Variants in DISP1 observed in about 807,000 individuals in gnomAD.
DISP1 encodes the protein dispatched RND transporter family member 1, also known as protein dispatched homolog 1.
A neutral mutation model predicts 37.3 loss-of-function variants in DISP1; 30 were observed. The ratio of observed to expected loss-of-function variants is 0.80; its 90% CI spans 0.60 to 1.09. DISP1 has a LOEUF of 1.09. Among genes scored for constraint, DISP1 ranks in the 50% least tolerant of loss-of-function variants. DISP1 has a pLI of 0.00. For missense variants in DISP1, 1,598 were observed against 1,879.5 expected (o/e 0.85, Z 2.77); for synonymous variants, 634 against 690.2 (o/e 0.92, Z 1.28).
intron 1 of DISP1, among the ~76,000 whole-genome samples, chr1:222,907,244 T>G (rs1671950154): frequency 6.6e-6 from 1 of 152,210 alleles, no homozygotes; most frequent in Non-Finnish European, 1.5e-5. Context: ...CTTCCATTGT[T>G]AAACTCAGTT....
rs549797135 is a variant in DISP1, at chr1:223,005,373, G to C, written c.3976G>C (p.Val1326Leu). ...KATHQAVEGFVHPITHIHHCP... is the reference protein window; with the variant it reads ...KATHQAVEGFLHPITHIHHCP... Reference sequence around the variant, plus strand: ...CACACACCAAGCTGTCGAGGGCTTTGTGCACCCCATCACGCACATCCACCA... The same window carrying C: ...CACACACCAAGCTGTCGAGGGCTTTCTGCACCCCATCACGCACATCCACCA... The change falls in exon 9 of 9, where the codon GTG (valine) becomes CTG (leucine). Residue 1326 changes from valine (V) to leucine (L), a missense_variant. Coordinates refer to ENST00000675850, the MANE Select transcript of DISP1 (RefSeq NM_001377229.1). 6.2e-7 allele frequency: 1 copy of C among 1,613,508 alleles called. No homozygotes were observed. Among genetic ancestry groups the C allele is most frequent in the East Asian group, 2.2e-5 (1 of 44,864 alleles).
chr1:222,972,645 T>G (rs1489069951), intron 3 of DISP1, among the ~76,000 whole-genome samples: 1 of 152,178 alleles, frequency 6.6e-6, no homozygotes, highest in African/African-American at 2.4e-5. Context: ...ATCTGAAACC[T>G]ACTTATGTCA....
chr1:222,898,139 G>A (rs1671370767), intron 1 of DISP1, among the ~76,000 whole-genome samples: 1 of 152,016 alleles, frequency 6.6e-6, no homozygotes, highest in South Asian at 2.1e-4. Flanking sequence ...TTTATTATGT[G>A]GATTATAGCT....
chr1:222,829,629 T>TG (rs904748149), intron 1 of DISP1, among the ~76,000 whole-genome samples: 8 of 151,878 alleles, frequency 5.3e-5, no homozygotes, highest in East Asian at 1.9e-4. Context: ...TTAGTAGAGA[T>TG]GGGGGTCTCA....
intron 1 of DISP1, chr1:222,836,961 T>C: frequency 2.5e-6 from 1 of 398,036 alleles, no homozygotes; most frequent in Non-Finnish European, 4.4e-6. Context: ...CTGCCAAATA[T>C]ACTCCAGTAG....
At position 222,991,648 on chromosome 1, in the gene DISP1, G is replaced by T; in HGVS notation, c.791+1G>T. The T allele has an allele frequency of 6.2e-7, 1 of 1,611,746 alleles. No homozygotes were observed. The highest frequency in any genetic ancestry group is 8.5e-7 in the Non-Finnish European group (1 of 1,178,380). On this transcript the variant is annotated splice_donor_variant, in intron 6 of 8. Transcript: ENST00000675850. LOFTEE classifies it high-confidence loss of function. Reference sequence around the variant, plus strand: ...AATATGCAGATGAACAAGCCAAAAGGTAATCAATTATTTATTTTTATATAA... The same window carrying T: ...AATATGCAGATGAACAAGCCAAAAGTTAATCAATTATTTATTTTTATATAA...
chr1:223,005,062 G>T lies in DISP1; in HGVS notation c.3665G>T (p.Ser1222Ile), dbSNP rs1679788575. The T allele has an allele frequency of 6.2e-7, 1 of 1,614,026 alleles. No individual in the cohort carries two copies. The highest frequency in any genetic ancestry group is 1.7e-5 in the Admixed American group (1 of 60,004). ...CACATCTGCTCTGAATTTTTCAACA[G>T]CCAAGCAAAGAATTTAGGGATGCCT... ...ETHICSEFFN[S>I]QAKNLGMPVH... The change falls in exon 9 of 9, where the codon AGC becomes ATC. Residue 1222 changes from serine (S) to isoleucine (I), a missense_variant. Ser to Ile is a moderately radical substitution (Grantham distance 142). Transcript: ENST00000675850.
chr1:222,827,548 T>C (rs1285345215), intron 1 of DISP1: 8 of 152,300 alleles, frequency 5.3e-5, no homozygotes, highest in South Asian at 2.1e-4. Context: ...CAAGATGTTA[T>C]TTTATCAAAT....
intron 2 of DISP1, among the ~76,000 whole-genome samples, chr1:222,936,570 AATATATATCATATATATGAGAGATAT>A (rs1558339008): frequency 5.5e-5 from 7 of 127,588 alleles, no homozygotes; most frequent in South Asian, 2.4e-4. Context: ...ATTTATATAT[AATATATATCATATATATGAGAGATAT>A]ATATCTCTCA....
At chr1:222,822,635 G>C (rs1470608879) in intron 1 of DISP1, among the ~76,000 whole-genome samples, 3 of 152,022 alleles carry the variant, frequency 2.0e-5, no homozygotes, top group South Asian at 4.2e-4. Context: ...ATATATCCAG[G>C]CCTCAGTGTT....
intron 3 of DISP1, among the ~76,000 whole-genome samples, chr1:222,947,358 G>T (rs985104615): frequency 1.3e-5 from 2 of 151,912 alleles, no homozygotes; most frequent in South Asian, 4.2e-4. Context: ...TTCTTTTTAA[G>T]GCTGAATAAT....
At chr1:222,988,265 A>G (rs1678417637) in intron 4 of DISP1, among the ~76,000 whole-genome samples, 1 of 152,228 alleles carries the variant, frequency 6.6e-6, no homozygotes, top group African/African-American at 2.4e-5. Flanking sequence ...AGGAATTTTT[A>G]ATTGTAAGTT....
At chr1:222,918,193 C>A (rs1188353640) in intron 1 of DISP1, among the ~76,000 whole-genome samples, 1 of 152,134 alleles carries the variant, frequency 6.6e-6, no homozygotes, top group African/African-American at 2.4e-5. Context: ...AGGGGTGGGT[C>A]TCCAGAGGCA....
intron 1 of DISP1, among the ~76,000 whole-genome samples, chr1:222,822,867 T>C (rs1438437347): frequency 2.0e-5 from 3 of 152,200 alleles, no homozygotes; most frequent in African/African-American, 7.2e-5. Flanking sequence ...TAATGATGCT[T>C]TCTCATCTCC....
intron 3 of DISP1, among the ~76,000 whole-genome samples, chr1:222,958,563 G>A (rs1225801140): frequency 6.6e-6 from 1 of 152,144 alleles, no homozygotes; most frequent in African/African-American, 2.4e-5. Context: ...AATCATCAGT[G>A]TCTAGATATA....
chr1:222,998,103 T>C (rs1443252953), intron 8 of DISP1, among the ~76,000 whole-genome samples: 4 of 152,022 alleles, frequency 2.6e-5, no homozygotes, highest in Non-Finnish European at 5.9e-5. Context: ...GTAATAACTA[T>C]TGGTTAACAG....
In DISP1 at chr1:222,834,123, C is replaced by T. The variant is rs188636082; in HGVS notation, c.-159+19045C>T. Among the ~76,000 whole-genome samples, 5 of 152,256 alleles carry T rather than the reference C, an allele frequency of 3.3e-5. No individual in the cohort carries two copies. In the East Asian group the frequency reaches 9.6e-4, roughly 29 times the overall value. The stretch of plus-strand genomic sequence containing the variant: ...CTATTTTGTACCACTGTATCTGCAG[C>T]ATCTTATAGAATGGTGTTTATTTAT... On this transcript the variant is annotated intron_variant, in intron 1 of 8. Coordinates refer to ENST00000675850, the MANE Select transcript of DISP1 (RefSeq NM_001377229.1).
intron 1 of DISP1, among the ~76,000 whole-genome samples, chr1:222,818,731 T>C (rs777621405): frequency 2.0e-5 from 3 of 152,154 alleles, no homozygotes; most frequent in Non-Finnish European, 4.4e-5. Context: ...CTACCAACAT[T>C]ACGGAAGGTA....
chr1:222,820,689 T>C (rs1662624594), intron 1 of DISP1, among the ~76,000 whole-genome samples: 1 of 152,196 alleles, frequency 6.6e-6, no homozygotes, highest in South Asian at 2.1e-4. Flanking sequence ...GAAGAAACCT[T>C]AGGCAAGTTA....
Sources: gnomAD v4.1 joint callset for allele counts (sites outside exome capture counted in the v4.1 genomes callset) on GRCh38, gnomAD v4.1.1 for gene constraint, MANE v1.5 for transcripts, NCBI Gene and HGNC (gene_info 2026-07-23, HGNC 2026-07-21) for gene names.